The following FNDC1 variants were observed in gnomAD, a reference collection of about 807,000 sequenced individuals.
FNDC1 encodes fibronectin type III domain containing 1.
In FNDC1, 96 loss-of-function variants were observed where a neutral mutation model predicts 168.0. The ratio of observed to expected loss-of-function variants is 0.57; its 90% CI spans 0.48 to 0.68. The LOEUF (loss-of-function observed/expected upper bound fraction) is 0.68, where lower values mean the gene tolerates loss of function less well. Among genes scored for constraint, FNDC1 ranks in the 30% least tolerant of loss-of-function variants. The pLI is 0.00. For missense variants in FNDC1, 2,587 were observed against 2,482.1 expected (o/e 1.04, Z -0.90); for synonymous variants, 1,099 against 1,025.9 (o/e 1.07, Z -1.36).
intron 14 of FNDC1, chr6:159,241,145 G>GT (rs1235589406): frequency 2.0e-5 from 3 of 152,200 alleles, no homozygotes; most frequent in Non-Finnish European, 4.4e-5. Context: ...TTTCTACTCT[G>GT]TCCATTGACC....
Position 159,232,759 on chromosome 6 carries a change from C to T in FNDC1, c.2247C>T (p.Asp749=), listed in dbSNP as rs1783126428. ...PLSKGGKDGE[D]APATNSNAPS... ...CCAAGGGCGGGAAGGATGGTGAGGA[C>T]GCCCCAGCCACCAACTCCAATGCGC... The change falls in exon 11 of 23, where the codon GAC becomes GAT. Residue 749 remains aspartate (D), a synonymous_variant. Coordinates refer to ENST00000297267, the MANE Select transcript of FNDC1 (RefSeq NM_032532.3). This position sits in a 1 kb window ranked among gnomAD's most constrained non-coding sequence, Gnocchi z 4.9. The T allele has an allele frequency of 1.9e-6, 3 of 1,613,772 alleles. No individual in the cohort carries two copies. Among genetic ancestry groups the T allele is most frequent in the African/African-American group, 2.7e-5 (2 of 74,922 alleles).
At chr6:159,225,871 T>C in intron 8 of FNDC1, 149 bp downstream of exon 8, 1 of 702,520 alleles carries the variant, frequency 1.4e-6, no homozygotes, top group Non-Finnish European at 2.3e-6. Flanking sequence ...AGAGTTTCTA[T>C]GCGTACATGC....
At chr6:159,271,140 G>A (rs984105851) in intron 22 of FNDC1, among the ~76,000 whole-genome samples, 187 bp from the exon 23 acceptor site, 3 of 152,184 alleles carry the variant, frequency 2.0e-5, no homozygotes, top group Non-Finnish European at 4.4e-5. Context: ...GGCTGGGCCC[G>A]AGGTCCTGGC....
rs1321098850 is a variant in FNDC1 at position 159,243,300 on chromosome 6, A to T, written c.4621+3343A>T. ...TTGTTAAAAGTTGCAGAAAAACATCAGTCATTATGGAAAACAGATCTTCCC... is the reference window on the plus strand; with the variant it reads ...TTGTTAAAAGTTGCAGAAAAACATCTGTCATTATGGAAAACAGATCTTCCC... On this transcript the variant is annotated intron_variant, in intron 14 of 22. Coordinates refer to ENST00000297267, the MANE Select transcript of FNDC1 (RefSeq NM_032532.3). 4 of 152,186 alleles carry T rather than the reference A, an allele frequency of 2.6e-5. No individual in the cohort carries two copies. The East Asian group carries it at 7.7e-4, about 29-fold the overall frequency. 9.4% of individuals were successfully genotyped at this position (152,186 alleles called of 1,614,324 possible). A position where few individuals can be genotyped will look rare whatever the true frequency, so the allele number is the denominator to read the frequency against.
intron 16 of FNDC1, among the ~76,000 whole-genome samples, chr6:159,250,775 G>C (rs1467694420): frequency 2.6e-5 from 4 of 152,212 alleles, no homozygotes; most frequent in Non-Finnish European, 5.9e-5. Flanking sequence ...CAGTAGTTCA[G>C]GCCGGGCCTT....
chr6:159,210,895 T>C (rs1782589561), intron 4 of FNDC1, among the ~76,000 whole-genome samples: 1 of 152,200 alleles, frequency 6.6e-6, no homozygotes, highest in South Asian at 2.1e-4. Flanking sequence ...CTCAGGCTTC[T>C]CACCTCTTCC....
chr6:159,185,071 G>T (rs148208224), intron 1 of FNDC1, among the ~76,000 whole-genome samples: 6,899 of 109,722 alleles, frequency 0.063, 202 homozygotes, highest in Middle Eastern at 0.1. Context: ...GGAGGGTGGG[G>T]GGGGGGGAAT....
intron 2 of FNDC1, 115 bp downstream of exon 2, chr6:159,197,740 G>T: frequency 1.1e-6 from 1 of 930,154 alleles, no homozygotes; most frequent in South Asian, 1.9e-5. Context: ...GTCCCTTACG[G>T]TTCTTTGGGA....
At chr6:159,224,331 T>C (rs573855890) in intron 7 of FNDC1, among the ~76,000 whole-genome samples, 14 of 152,344 alleles carry the variant, frequency 9.2e-5, no homozygotes, top group Middle Eastern at 6.8e-3. Context: ...AGTATAGCCA[T>C]GAAAATTTTA....
chr6:159,269,044 G>GTATC (rs1296710642), intron 22 of FNDC1, among the ~76,000 whole-genome samples: 8 of 51,088 alleles, frequency 1.6e-4, no homozygotes, highest in African/African-American at 3.7e-4. Flanking sequence ...CCACCTCTAG[G>GTATC]TATCTATCTA....
intron 4 of FNDC1, 24 bp downstream of exon 4, chr6:159,200,605 G>A: frequency 6.4e-7 from 1 of 1,553,846 alleles, no homozygotes; most frequent in Non-Finnish European, 8.8e-7. Flanking sequence ...CTTCATGTCA[G>A]ATTCATGTTT....
chr6:159,171,403 A>G (rs1781656940), intron 1 of FNDC1, among the ~76,000 whole-genome samples: 2 of 152,192 alleles, frequency 1.3e-5, no homozygotes, highest in African/African-American at 4.8e-5. Flanking sequence ...TGGGGTACAT[A>G]ACTTCTTTCA....
rs1304109837 is a variant in FNDC1, at chr6:159,234,221, C to T, written c.3709C>T (p.Leu1237=). The change falls in exon 11 of 23, where the codon CTG becomes TTG. Residue 1237 remains leucine, a synonymous_variant. Transcript: ENST00000297267. ...CGCGCTTGCCCCTCGCGGAGGGAGC[C>T]TGGCTCCTGTGAAGCGACCTCTCCC... The part of the protein sequence containing the change: ...AIALAPRGGS[L]APVKRPLPPP... 6.3e-7 allele frequency: 1 copy of T among 1,594,662 alleles called. No individual in the cohort carries two copies. The highest frequency in any genetic ancestry group is 1.1e-5 in the South Asian group (1 of 88,278).
Position 159,253,545 on chromosome 6 carries a change from G to A in FNDC1, c.5065+2013G>A, listed in dbSNP as rs569557308. ...GTCAATGTGTAATGAAGTGGTGCCC[G>A]AACAGTGTGAAACTCCTAGAATTCC... On this transcript the variant is annotated intron_variant, in intron 17 of 22. Transcript: ENST00000297267. Among the ~76,000 whole-genome samples, 5 of 152,246 alleles carry A rather than the reference G, an allele frequency of 3.3e-5. No individual in the cohort carries two copies. The South Asian group carries it at 8.3e-4, about 25-fold the overall frequency.
At chr6:159,269,257 C>CATCTATCT (rs369450487) in intron 22 of FNDC1, among the ~76,000 whole-genome samples, 807 of 42,602 alleles carry the variant, frequency 0.019, 122 homozygotes, top group African/African-American at 0.025. Flanking sequence ...ATCCATCTAT[C>CATCTATCT]ATCTATCTAT....
intron 4 of FNDC1, among the ~76,000 whole-genome samples, chr6:159,208,559 C>A (rs1319045867): frequency 2.0e-5 from 3 of 152,202 alleles, no homozygotes; most frequent in African/African-American, 7.2e-5. Flanking sequence ...TTCGGCAGCC[C>A]AGCACAGCCT....
Position 159,234,470 on chromosome 6 carries a change from T to G in FNDC1, c.3958T>G (p.Tyr1320Asp). The G allele has an allele frequency of 6.2e-7, 1 of 1,613,302 alleles. No individual in the cohort carries two copies. The highest frequency in any genetic ancestry group is 8.5e-7 in the Non-Finnish European group (1 of 1,179,846). The change falls in exon 11 of 23, where the codon TAC becomes GAC. Residue 1320 changes from tyrosine to aspartate, a missense_variant. Tyr to Asp is a radical substitution (Grantham distance 160). Coordinates refer to ENST00000297267, the MANE Select transcript of FNDC1 (RefSeq NM_032532.3). ...CTCCCGACAGCCTGCCAGACCCTCTTACAGACAAGGTAGTTTATTTTTTCA... is the reference window on the plus strand; with the variant it reads ...CTCCCGACAGCCTGCCAGACCCTCTGACAGACAAGGTAGTTTATTTTTTCA... ...PLSRQPARPS[Y>D]RQGYNGRPNV...
At chr6:159,247,211 C>T (rs753890407) in intron 15 of FNDC1, among the ~76,000 whole-genome samples, 2 of 152,090 alleles carry the variant, frequency 1.3e-5, no homozygotes, top group Non-Finnish European at 2.9e-5. Flanking sequence ...CTATCTGGTC[C>T]CTGTGCTCCC....
chr6:159,260,342 G>C (rs1184485417), intron 18 of FNDC1, among the ~76,000 whole-genome samples: 2 of 152,216 alleles, frequency 1.3e-5, no homozygotes, highest in East Asian at 1.9e-4. Flanking sequence ...TCTTTTGCTT[G>C]TAAGAATGCA....
Sources: gnomAD v4.1 joint callset for allele counts (sites outside exome capture counted in the v4.1 genomes callset) on GRCh38, gnomAD v4.1.1 for gene constraint, Gnocchi (gnomAD v3.1) non-coding constraint, MANE v1.5 for transcripts, NCBI Gene and HGNC (gene_info 2026-07-23, HGNC 2026-07-21) for gene names.